The following TINAG variants were observed in gnomAD, a reference collection of about 807,000 sequenced individuals.
TINAG encodes the protein tubulointerstitial nephritis antigen.
TINAG carries 83 observed loss-of-function variants against 72.7 expected under a neutral mutation model. That is an observed-to-expected ratio of 1.14 (90% confidence interval 0.96 to 1.37). The LOEUF is 1.37. Ranked by LOEUF, TINAG falls within the 40% of genes most tolerant of loss-of-function variation. The pLI is 0.00. For missense variants in TINAG, 685 were observed against 576.6 expected, an observed-to-expected ratio of 1.19 and a Z score of -1.93; for synonymous variants, 234 against 189.9, an observed-to-expected ratio of 1.23 and a Z score of -1.91.
At chr6:54,332,604 CA>C (rs998113222) in intron 4 of TINAG, among the ~76,000 whole-genome samples, 5 of 152,042 alleles carry the variant, frequency 3.3e-5, no homozygotes, top group African/African-American at 4.8e-5. Context: ...CAACAAAAGC[CA>C]AAATAGACAA....
At chr6:54,388,778 C>T (rs1018615140) in intron 10 of TINAG, among the ~76,000 whole-genome samples, 1 of 151,932 alleles carries the variant, frequency 6.6e-6, no homozygotes, top group Non-Finnish European at 1.5e-5. Flanking sequence ...CTCCAACCAT[C>T]CAATCCAACC....
At chr6:54,356,588 TA>T (rs1026936499) in intron 9 of TINAG, among the ~76,000 whole-genome samples, 25 of 151,870 alleles carry the variant, frequency 1.6e-4, no homozygotes, top group African/African-American at 5.5e-4. Context: ...TCATATTTGG[TA>T]AAAAACATGT....
At chr6:54,367,874 G>T (rs1308657879) in intron 9 of TINAG, among the ~76,000 whole-genome samples, 1 of 151,660 alleles carries the variant, frequency 6.6e-6, no homozygotes, top group Non-Finnish European at 1.5e-5. Flanking sequence ...TTGATGAAGG[G>T]CCTGCTTTCT....
intron 10 of TINAG, among the ~76,000 whole-genome samples, chr6:54,384,761 C>A (rs1029741163): frequency 2.6e-5 from 4 of 152,026 alleles, no homozygotes; most frequent in African/African-American, 9.7e-5. Context: ...TTAAACATAT[C>A]TCAGTATCTC....
At position 54,313,410 on chromosome 6, in the gene TINAG, C is replaced by T. The variant is rs529960399; in HGVS notation, c.355+4505C>T. The stretch of plus-strand genomic sequence containing the variant: ...CATAGTACATATTTACTTAACAGAC[C>T]CTTCTGTAATACCCTGAGTAGCATG... On this transcript the variant is annotated intron_variant, in intron 1 of 10. Coordinates refer to ENST00000259782, the MANE Select transcript of TINAG (RefSeq NM_014464.4). Among the ~76,000 whole-genome samples the T allele has an allele frequency of 3.9e-5, 6 of 152,130 alleles. No homozygotes were observed. The East Asian group carries it at 1.2e-3, about 29-fold the overall frequency.
chr6:54,316,216 A>G (rs1214326996), intron 1 of TINAG, among the ~76,000 whole-genome samples: 2 of 152,178 alleles, frequency 1.3e-5, no homozygotes, highest in South Asian at 2.1e-4. Flanking sequence ...CAGGACAAAT[A>G]TCAGTCCTAG....
chr6:54,368,276 A>C (rs1763495571), intron 9 of TINAG, among the ~76,000 whole-genome samples: 1 of 147,758 alleles, frequency 6.8e-6, no homozygotes, highest in South Asian at 2.1e-4. Flanking sequence ...TATTATATAT[A>C]ACATATTATA....
At chr6:54,359,922 C>G (rs894111895) in intron 9 of TINAG, among the ~76,000 whole-genome samples, 11 of 151,688 alleles carry the variant, frequency 7.3e-5, no homozygotes, top group Non-Finnish European at 1.5e-4. Context: ...TTAATATACT[C>G]CTAAGAAGTA....
chr6:54,310,574 C>T (rs376923432), intron 1 of TINAG, among the ~76,000 whole-genome samples: 1 of 147,378 alleles, frequency 6.8e-6, no homozygotes, highest in East Asian at 2.0e-4. Flanking sequence ...CTCCCTCTCT[C>T]TTTCTTCTCT....
At chr6:54,328,068 C>A (rs1960607) in intron 4 of TINAG, among the ~76,000 whole-genome samples, 70,061 of 151,884 alleles carry the variant, frequency 0.46, 17,145 homozygotes, top group Middle Eastern at 0.57. Context: ...TTCCTGTCTG[C>A]CAGATCTGAA....
chr6:54,381,335 G>A (rs1168137081), intron 10 of TINAG, among the ~76,000 whole-genome samples: 5 of 127,546 alleles, frequency 3.9e-5, no homozygotes, highest in Admixed American at 3.8e-4. Flanking sequence ...CTGGTCAATT[G>A]TCCAAAGTCC....
intron 1 of TINAG, among the ~76,000 whole-genome samples, chr6:54,313,282 T>C (rs1397101181): frequency 6.6e-6 from 1 of 152,180 alleles, no homozygotes; most frequent in Non-Finnish European, 1.5e-5. Flanking sequence ...AGGAGCCCTG[T>C]GCCCAGGATT....
intron 1 of TINAG, among the ~76,000 whole-genome samples, chr6:54,315,113 A>G (rs936931358): frequency 9.2e-5 from 14 of 152,130 alleles, no homozygotes; most frequent in African/African-American, 3.4e-4. Context: ...GCATAAAGCA[A>G]CTTTCCTCTG....
intron 9 of TINAG, among the ~76,000 whole-genome samples, chr6:54,371,860 T>C (rs568721055): frequency 6.6e-6 from 1 of 152,164 alleles, no homozygotes; most frequent in Admixed American, 6.5e-5. Flanking sequence ...GCATGAACAA[T>C]TGTTCAATTA....
chr6:54,335,291 T>C (rs1784833509), intron 4 of TINAG, among the ~76,000 whole-genome samples: 1 of 152,218 alleles, frequency 6.6e-6, no homozygotes, highest in Non-Finnish European at 1.5e-5. Context: ...TGCATAAAAG[T>C]CACTCTGGTG....
intron 9 of TINAG, among the ~76,000 whole-genome samples, chr6:54,374,592 A>T (rs1456541798): frequency 1.3e-5 from 2 of 152,110 alleles, no homozygotes; most frequent in Non-Finnish European, 2.9e-5. Context: ...AAAAGCCTGC[A>T]TATCTTTTCC....
At chr6:54,353,393 CT>C (rs758409800) in intron 8 of TINAG, among the ~76,000 whole-genome samples, 11 of 151,826 alleles carry the variant, frequency 7.2e-5, no homozygotes, top group Non-Finnish European at 1.5e-4. Flanking sequence ...GGCATTTCCC[CT>C]GTCTCAGTAC....
intron 5 of TINAG, among the ~76,000 whole-genome samples, chr6:54,345,163 G>C (rs1476311183): frequency 6.6e-6 from 1 of 152,080 alleles, no homozygotes; most frequent in African/African-American, 2.4e-5. Context: ...CAGAGGTACT[G>C]TCCAGTGAGA....
chr6:54,375,279 T>C (rs1424355373), intron 9 of TINAG, among the ~76,000 whole-genome samples: 1 of 152,130 alleles, frequency 6.6e-6, no homozygotes, highest in Non-Finnish European at 1.5e-5. Flanking sequence ...AATTAGTTTT[T>C]CTTTGTTCTT....
Sources: gnomAD v4.1 joint callset for allele counts (sites outside exome capture counted in the v4.1 genomes callset) on GRCh38, gnomAD v4.1.1 for gene constraint, MANE v1.5 for transcripts, NCBI Gene and HGNC (gene_info 2026-07-23, HGNC 2026-07-21) for gene names.